The following MPI variants were observed in gnomAD, a reference collection of about 807,000 sequenced individuals.
The protein encoded by MPI is mannose phosphate isomerase, also known as mannose-6-phosphate isomerase.
A neutral mutation model predicts 40.1 loss-of-function variants in MPI; 33 were observed. The ratio of observed to expected loss-of-function variants is 0.82; its 90% CI spans 0.62 to 1.10. MPI has a LOEUF of 1.10. Ranked by LOEUF, MPI falls within the 50% of genes least tolerant of loss-of-function variation. MPI has a pLI of 0.00. For synonymous variants in MPI, 187 were observed against 207.4 expected, an observed-to-expected ratio of 0.90 and a Z score of 0.85; for missense variants, 514 against 524.1, an observed-to-expected ratio of 0.98 and a Z score of 0.19.
In MPI at chr15:74,894,177, G is replaced by A. The variant is rs1260344111; in HGVS notation, c.670+857G>A. ...TGGCTCACTGCAGCCTCTGCCTCCC[G>A]GGTTCAAGCAATTCTCCTGCTTCAG... On this transcript the variant is annotated intron_variant, in intron 5 of 7. Coordinates refer to ENST00000352410, the MANE Select transcript of MPI (RefSeq NM_002435.3). 1.4e-5 allele frequency among the ~76,000 whole-genome samples: 2 copies of A among 147,526 alleles called. 1 individual carries two copies. The highest frequency in any genetic ancestry group is 3.0e-5 in the Non-Finnish European group (2 of 66,082).
In MPI at chr15:74,899,726, C is replaced by G. The variant is rs561448906; in HGVS notation, c.*1996C>G. ...GCAACCTCCGCCCACTGGGTTCAAG[C>G]GATTCTTCTGCCTCAGCTCCTGAGT... On this transcript the variant is annotated 3_prime_UTR_variant, in exon 8 of 8. Transcript: ENST00000352410. The G allele has an allele frequency of 3.3e-5, 5 of 152,306 alleles. No homozygotes were observed. The highest frequency in any genetic ancestry group is 5.9e-5 in the Non-Finnish European group (4 of 68,056). 9.4% of individuals were successfully genotyped at this position (152,306 alleles called of 1,614,324 possible).
chr15:74,896,319 A>G lies in MPI; in HGVS notation c.838A>G (p.Lys280Glu). The G allele has an allele frequency of 6.2e-7, 1 of 1,614,070 alleles. No homozygotes were observed. The change falls in exon 6 of 8, where the codon AAA becomes GAA. Residue 280 changes from lysine to glutamate, a missense_variant. Lys to Glu is a moderately conservative substitution (Grantham distance 56). Coordinates refer to ENST00000352410, the MANE Select transcript of MPI (RefSeq NM_002435.3). ...GGCCAACGTACCCCATGCCTACCTG[A>G]AAGGAGGTGAGCCACATTTCAGCAG... ...LEANVPHAYL[K>E]GDCVECMACS...
At position 74,890,094 on chromosome 15, in the gene MPI, G is replaced by A. The variant is rs2064700259; in HGVS notation, c.16+5G>A. On this transcript the variant is annotated splice_donor_5th_base_variant and intron_variant, in intron 1 of 7. Coordinates refer to ENST00000352410, the MANE Select transcript of MPI (RefSeq NM_002435.3). ...CGAGCATGGCCGCTCCGCGAGGTGA[G>A]CCATTGGCTGGGGTGTCGGCGAGTG... is the stretch of plus-strand genomic sequence containing the variant. 5 of 1,608,280 alleles carry A rather than the reference G, an allele frequency of 3.1e-6. No individual in the cohort carries two copies. The highest frequency in any genetic ancestry group is 4.2e-6 in the Non-Finnish European group (5 of 1,179,962).
At chr15:74,894,133 G>C (rs1362248495) in intron 5 of MPI, among the ~76,000 whole-genome samples, 1 of 123,642 alleles carries the variant, frequency 8.1e-6, no homozygotes, top group African/African-American at 2.6e-5. Context: ...CCCCAGGCTG[G>C]AGTGCAGTGG....
chr15:74,897,105 C>T lies in MPI; in HGVS notation c.939C>T (p.Ser313=). ...IDVPTLCEML[S]YTPSSSKDRL... ...TGCCAACCCTGTGTGAAATGCTCAG[C>T]TATACCCCTAGCTCCAGCAAGGACA... The change falls in exon 7 of 8, where the codon AGC becomes AGT. Residue 313 remains serine, a synonymous_variant. Coordinates refer to ENST00000352410, the MANE Select transcript of MPI (RefSeq NM_002435.3). 1 of 1,614,208 alleles carries T rather than the reference C, an allele frequency of 6.2e-7. No individual in the cohort carries two copies. Among genetic ancestry groups the T allele is most frequent in the Non-Finnish European group, 8.5e-7 (1 of 1,180,034 alleles).
At chr15:74,891,112 C>T in intron 2 of MPI, 2 of 597,180 alleles carry the variant, frequency 3.3e-6, no homozygotes, top group South Asian at 3.3e-5. Flanking sequence ...TCATTCTCCT[C>T]TTTGGACAGA....
In MPI at chr15:74,901,631, C is replaced by T. The variant is rs1237565150; in HGVS notation, c.*3901C>T. ...AGGAGCTGGCTTAGGTCTCTCTTACCCTTCCTGTCTGTAAGCCTCAGTCTA... is the reference window on the plus strand; with the variant it reads ...AGGAGCTGGCTTAGGTCTCTCTTACTCTTCCTGTCTGTAAGCCTCAGTCTA... On this transcript the variant is annotated 3_prime_UTR_variant, in exon 8 of 8. Coordinates refer to ENST00000352410, the MANE Select transcript of MPI (RefSeq NM_002435.3). 1 of 152,614 alleles carries T rather than the reference C, an allele frequency of 6.6e-6. No homozygotes were observed. Among genetic ancestry groups the T allele is most frequent in the Non-Finnish European group, 1.5e-5 (1 of 68,356 alleles). 9.5% of individuals were successfully genotyped at this position (152,614 alleles called of 1,614,324 possible).
In MPI at chr15:74,902,186, T is replaced by C. The variant is rs2064988064; in HGVS notation, c.*4456T>C. 5.0e-6 allele frequency: 2 copies of C among 398,758 alleles called. No homozygotes were observed. Among genetic ancestry groups the C allele is most frequent in the Non-Finnish European group, 8.8e-6 (2 of 226,114 alleles). The allele number at this position is 398,758 out of a possible 1,614,324, so 24.7% of individuals were successfully genotyped here. On this transcript the variant is annotated 3_prime_UTR_variant, in exon 8 of 8. Coordinates refer to ENST00000352410, the MANE Select transcript of MPI (RefSeq NM_002435.3). ...AACTGGTCTCAAACAGTTTCTTTTT[T>C]GGATTGCCAGCTATAATAAACCATA...
At chr15:74,896,723 G>A (rs1213131363) in intron 6 of MPI, 1 of 608,932 alleles carries the variant, frequency 1.6e-6, no homozygotes. Context: ...ACTGTTGGCT[G>A]CTTATCCACA....
At chr15:74,896,487 G>A (rs1045379507) in intron 6 of MPI, 162 bp downstream of exon 6, 13 of 772,212 alleles carry the variant, frequency 1.7e-5, no homozygotes, top group African/African-American at 3.4e-5. Context: ...TGGTAGGGAT[G>A]ATGAATGCAT....
chr15:74,895,897 A>C, intron 5 of MPI: 1 of 527,958 alleles, frequency 1.9e-6, no homozygotes, highest in South Asian at 2.1e-5. Context: ...ACCATACTCT[A>C]GCTCTTTTAG....
rs891084087 is a variant in MPI at position 74,899,325 on chromosome 15, C to T, written c.*1595C>T. 2 of 152,198 alleles carry T rather than the reference C, an allele frequency of 1.3e-5. No individual in the cohort carries two copies. Among genetic ancestry groups the T allele is most frequent in the African/African-American group, 4.8e-5 (2 of 41,460 alleles). 9.4% of individuals were successfully genotyped at this position (152,198 alleles called of 1,614,324 possible). On this transcript the variant is annotated 3_prime_UTR_variant, in exon 8 of 8. Coordinates refer to ENST00000352410, the MANE Select transcript of MPI (RefSeq NM_002435.3). ...AAAAGAATCTTTCTGGGCTTCTGCC[C>T]ACACTAGAGTCCCTATACAATGGAG...
In MPI at chr15:74,892,700, T is replaced by TACCCCGATGCCAACC. The variant is rs1372418328; in HGVS notation, c.388_402dup (p.Pro130_His134dup). ...GCTGCACCTCCAGGCTCCGCAGCAC[T>TACCCCGATGCCAACC]ACCCCGATGCCAACCACAAGCCAGA... On this transcript the variant is annotated inframe_insertion, in exon 4 of 8. Transcript: ENST00000352410. 6.2e-7 allele frequency: 1 copy of TACCCCGATGCCAACC among 1,614,138 alleles called. No homozygotes were observed. Among genetic ancestry groups the TACCCCGATGCCAACC allele is most frequent in the East Asian group, 2.2e-5 (1 of 44,902 alleles).
In MPI at chr15:74,901,089, G is replaced by T. The variant is rs1328135048; in HGVS notation, c.*3359G>T. 6.6e-6 allele frequency: 1 copy of T among 152,190 alleles called. No homozygotes were observed. Among genetic ancestry groups the T allele is most frequent in the Non-Finnish European group, 1.5e-5 (1 of 68,042 alleles). The allele number at this position is 152,190 out of a possible 1,614,324, so 9.4% of individuals were successfully genotyped here. A position where few individuals can be genotyped will look rare whatever the true frequency, so the allele number is the denominator to read the frequency against. On this transcript the variant is annotated 3_prime_UTR_variant, in exon 8 of 8. Coordinates refer to ENST00000352410, the MANE Select transcript of MPI (RefSeq NM_002435.3). ...AGGACACTGAGTAAAGCAAGAGACTGGATACTTTCCCATGTAGAACCTATA... is the reference window on the plus strand; with the variant it reads ...AGGACACTGAGTAAAGCAAGAGACTTGATACTTTCCCATGTAGAACCTATA...
intron 5 of MPI, among the ~76,000 whole-genome samples, chr15:74,894,095 T>TTTTCTGAGCCAGG (rs1567267231): frequency 3.6e-5 from 2 of 54,944 alleles, no homozygotes; most frequent in African/African-American, 1.6e-4. Context: ...TGTGTGTGTG[T>TTTTCTGAGCCAGG]GTGTGTGTGT....
Position 74,890,057 on chromosome 15 carries a change from T to C in MPI, c.-17T>C, listed in dbSNP as rs752875464. ...CGGGAAAGGCATACGTGCTTAATCC[T>C]GGTGCAGGGGGCGAGCATGGCCGCT... On this transcript the variant is annotated 5_prime_UTR_variant, in exon 1 of 8. Coordinates refer to ENST00000352410, the MANE Select transcript of MPI (RefSeq NM_002435.3). 1 of 1,606,334 alleles carries C rather than the reference T, an allele frequency of 6.2e-7. No homozygotes were observed. Among genetic ancestry groups the C allele is most frequent in the South Asian group, 1.1e-5 (1 of 91,050 alleles).
intron 5 of MPI, chr15:74,895,826 TAAAG>T: frequency 1.4e-5 from 5 of 370,064 alleles, no homozygotes; most frequent in South Asian, 1.3e-4. Flanking sequence ...GCCCCCACAA[TAAAG>T]AATTACCTAG....
chr15:74,896,660 A>G, intron 6 of MPI: 3 of 609,280 alleles, frequency 4.9e-6, no homozygotes, highest in Non-Finnish European at 8.7e-6. Flanking sequence ...CCTACCTACC[A>G]GGGATTTTTA....
Position 74,897,871 on chromosome 15 carries a change from A to C in MPI, c.*141A>C. ...GAAGAGCTGGGGTGGGGGAGGAGGG[A>C]GCGTGAAGGTAGTGACTCCTGAACA... is the stretch of plus-strand genomic sequence containing the variant. On this transcript the variant is annotated 3_prime_UTR_variant, in exon 8 of 8. Transcript: ENST00000352410. 1.2e-6 allele frequency: 1 copy of C among 831,528 alleles called. No homozygotes were observed. The highest frequency in any genetic ancestry group is 2.0e-6 in the Non-Finnish European group (1 of 501,780). 51.5% of individuals were successfully genotyped at this position (831,528 alleles called of 1,614,324 possible).
Sources: gnomAD v4.1 joint callset for allele counts (sites outside exome capture counted in the v4.1 genomes callset) on GRCh38, gnomAD v4.1.1 for gene constraint, MANE v1.5 for transcripts, NCBI Gene and HGNC (gene_info 2026-07-23, HGNC 2026-07-21) for gene names.